The following DTWD2 variants were observed in gnomAD, a reference collection of about 807,000 sequenced individuals.
DTWD2 encodes DTW motif tRNA-uridine aminocarboxypropyltransferase 2, also known as tRNA-uridine aminocarboxypropyltransferase 2.
A neutral mutation model predicts 31.8 loss-of-function variants in DTWD2; 39 were observed. That is an observed-to-expected ratio of 1.22 (90% CI 0.95 to 1.60). DTWD2 has a LOEUF of 1.60. Among genes scored for constraint, DTWD2 ranks in the 40% most tolerant of loss-of-function variants. The pLI, the probability that DTWD2 is intolerant of heterozygous loss-of-function variation, is 0.00. For synonymous variants in DTWD2, 180 were observed against 142.8 expected (o/e 1.26, Z -1.86); for missense variants, 515 against 381.5 (o/e 1.35, Z -2.92).
At chr5:118,929,773 A>C (rs933104516) in intron 3 of DTWD2, among the ~76,000 whole-genome samples, 1 of 152,230 alleles carries the variant, frequency 6.6e-6, no homozygotes, top group Non-Finnish European at 1.5e-5. Flanking sequence ...GCATCTGTAG[A>C]GAAAAACACA....
intron 4 of DTWD2, among the ~76,000 whole-genome samples, chr5:118,873,196 A>G (rs1752545280): frequency 6.6e-6 from 1 of 152,192 alleles, no homozygotes; most frequent in African/African-American, 2.4e-5. Flanking sequence ...GAGTGTCTAT[A>G]GTGGAGCACA....
chr5:118,846,807 G>A (rs1218985476), intron 5 of DTWD2, among the ~76,000 whole-genome samples: 2 of 152,006 alleles, frequency 1.3e-5, no homozygotes, highest in Non-Finnish European at 2.9e-5. Context: ...AGGTGTCTGA[G>A]AACACTCCCT....
chr5:118,902,035 C>A (rs1753221891), intron 4 of DTWD2, among the ~76,000 whole-genome samples: 1 of 152,084 alleles, frequency 6.6e-6, no homozygotes, highest in South Asian at 2.1e-4. Context: ...AACAATTTAC[C>A]ATTAAACATA....
At chr5:118,891,176 C>T (rs1382582076) in intron 4 of DTWD2, among the ~76,000 whole-genome samples, 2 of 151,000 alleles carry the variant, frequency 1.3e-5, no homozygotes, top group Non-Finnish European at 3.0e-5. Context: ...TTTCAAAATC[C>T]ATAAGAAAAT....
At chr5:118,939,363 C>T (rs996876617) in intron 2 of DTWD2, 73 bp from the exon 3 acceptor site, 2 of 1,234,540 alleles carry the variant, frequency 1.6e-6, no homozygotes, top group Admixed American at 3.1e-5. Context: ...TTATAATGAA[C>T]ATCTGATTCA....
intron 1 of DTWD2, among the ~76,000 whole-genome samples, chr5:118,979,100 C>G (rs1755230823): frequency 6.6e-6 from 1 of 151,950 alleles, no homozygotes; most frequent in African/African-American, 2.4e-5. Context: ...ATCAGGAGAT[C>G]AAGACCATCC....
At chr5:118,867,029 T>C (rs2149547722) in intron 4 of DTWD2, among the ~76,000 whole-genome samples, 1 of 152,262 alleles carries the variant, frequency 6.6e-6, no homozygotes, top group African/African-American at 2.4e-5. Context: ...AAAGACATTT[T>C]TAGGCTGAAA....
At chr5:118,851,715 G>A (rs1752011124) in intron 4 of DTWD2, among the ~76,000 whole-genome samples, 1 of 149,922 alleles carries the variant, frequency 6.7e-6, no homozygotes, top group Non-Finnish European at 1.5e-5. Flanking sequence ...GGGAGGGATA[G>A]CATTTGGAGA....
At chr5:118,860,097 A>G (rs1465865634) in intron 4 of DTWD2, among the ~76,000 whole-genome samples, 4 of 151,934 alleles carry the variant, frequency 2.6e-5, no homozygotes, top group African/African-American at 9.7e-5. Flanking sequence ...CAGCCAGACT[A>G]TTACAGAGTG....
At position 118,845,924 on chromosome 5, in the gene DTWD2, T is replaced by C. The variant is rs1271620559; in HGVS notation, c.726+2166A>G. ...AGATTCAAGTCAGCCTGTGGCTTTA[T>C]GTCATCAATAAATGCCTCGGGTTAT... On this transcript the variant is annotated intron_variant, in intron 5 of 5. Coordinates refer to ENST00000510708, the MANE Select transcript of DTWD2 (RefSeq NM_173666.4). 2.0e-5 allele frequency among the ~76,000 whole-genome samples: 3 copies of C among 152,186 alleles called. No homozygotes were observed. The East Asian group carries it at 5.8e-4, about 29-fold the overall frequency.
intron 4 of DTWD2, among the ~76,000 whole-genome samples, chr5:118,853,754 T>C (rs1424458827): frequency 6.6e-6 from 1 of 152,070 alleles, no homozygotes; most frequent in Non-Finnish European, 1.5e-5. Flanking sequence ...AGGGCAAGGA[T>C]TGAAAAACTA....
intron 3 of DTWD2, among the ~76,000 whole-genome samples, chr5:118,933,878 CTAAATAAATAAATAAA>C (rs202062539): frequency 6.9e-4 from 100 of 145,408 alleles, no homozygotes; most frequent in South Asian, 2.7e-3. Flanking sequence ...GGGAACTGAC[CTAAATAAATAAATAAA>C]TAAATAAATA....
chr5:118,961,583 G>A (rs1215939769), intron 1 of DTWD2, among the ~76,000 whole-genome samples: 1 of 152,108 alleles, frequency 6.6e-6, no homozygotes, highest in African/African-American at 2.4e-5. Flanking sequence ...GAGCCTGCCG[G>A]TCCTCATGTA....
intron 4 of DTWD2, among the ~76,000 whole-genome samples, chr5:118,901,806 C>G (rs1753216533): frequency 6.6e-6 from 1 of 152,144 alleles, no homozygotes; most frequent in South Asian, 2.1e-4. Flanking sequence ...GGTGGTCTCA[C>G]TGTGTTGCTC....
intron 4 of DTWD2, among the ~76,000 whole-genome samples, chr5:118,882,041 A>G (rs1212678960): frequency 6.6e-6 from 1 of 152,226 alleles, no homozygotes; most frequent in Non-Finnish European, 1.5e-5. Context: ...CTCATCTGAG[A>G]CAAGTACCTT....
intron 4 of DTWD2, among the ~76,000 whole-genome samples, chr5:118,915,306 A>C (rs1343802317): frequency 3.3e-5 from 5 of 152,130 alleles, no homozygotes; most frequent in Non-Finnish European, 7.4e-5. Flanking sequence ...AAAATCAGAA[A>C]TAAAAATAAG....
chr5:118,889,521 C>A (rs760476608), intron 4 of DTWD2, among the ~76,000 whole-genome samples: 1 of 151,672 alleles, frequency 6.6e-6, no homozygotes, highest in Non-Finnish European at 1.5e-5. Flanking sequence ...ATATCTAACA[C>A]GGGGGGATAT....
intron 1 of DTWD2, among the ~76,000 whole-genome samples, chr5:118,965,473 C>T (rs1020033380): frequency 2.4e-4 from 36 of 151,798 alleles, no homozygotes; most frequent in Non-Finnish European, 3.8e-4. Context: ...GCGGTTTTGT[C>T]GAATACAAAA....
At chr5:118,899,125 G>T (rs1561447174) in intron 4 of DTWD2, among the ~76,000 whole-genome samples, 1 of 152,130 alleles carries the variant, frequency 6.6e-6, no homozygotes, top group Non-Finnish European at 1.5e-5. Context: ...CCACATTTTT[G>T]CACTGTTGTG....
Sources: gnomAD v4.1 joint callset for allele counts (sites outside exome capture counted in the v4.1 genomes callset) on GRCh38, gnomAD v4.1.1 for gene constraint, MANE v1.5 for transcripts, NCBI Gene and HGNC (gene_info 2026-07-23, HGNC 2026-07-21) for gene names.